The following STRA8 variants were observed in gnomAD, a reference collection of about 807,000 sequenced individuals.
STRA8 encodes the protein stimulated by retinoic acid gene 8 protein homolog.
Under a neutral mutation model 37.1 loss-of-function variants are expected in STRA8, and 18 were observed. The observed-to-expected ratio is 0.48, with a 90% confidence interval of 0.34 to 0.72. The LOEUF is 0.72. Among genes scored for constraint, STRA8 ranks in the 30% least tolerant of loss-of-function variants. The pLI is 0.01. For synonymous variants in STRA8, 168 were observed against 162.9 expected (o/e 1.03, Z -0.24); for missense variants, 357 against 410.4 (o/e 0.87, Z 1.13).
chr7:135,257,540 A>G (rs1239519168), intron 8 of STRA8, among the ~76,000 whole-genome samples: 1 of 151,880 alleles, frequency 6.6e-6, no homozygotes, highest in African/African-American at 2.4e-5. Context: ...TTCTCATGCC[A>G]TGGCCTCCCG....
At chr7:135,251,397 T>C (rs1832631656) in intron 6 of STRA8, among the ~76,000 whole-genome samples, 2 of 152,162 alleles carry the variant, frequency 1.3e-5, no homozygotes, top group South Asian at 2.1e-4. Context: ...TGTCCTGGCA[T>C]GAGACAGCTA....
At chr7:135,253,662 G>A (rs543216466) in intron 7 of STRA8, among the ~76,000 whole-genome samples, 11 of 152,342 alleles carry the variant, frequency 7.2e-5, no homozygotes, top group South Asian at 2.1e-4. Flanking sequence ...AAGAAGCAGC[G>A]TGACTAACAA....
intron 8 of STRA8, among the ~76,000 whole-genome samples, chr7:135,257,548 C>T (rs1832718888): frequency 6.6e-6 from 1 of 152,086 alleles, no homozygotes; most frequent in Non-Finnish European, 1.5e-5. Context: ...CCATGGCCTC[C>T]CGAGTAGCTG....
At chr7:135,244,943 GT>G (rs943814021) in intron 4 of STRA8, among the ~76,000 whole-genome samples, 3 of 152,166 alleles carry the variant, frequency 2.0e-5, no homozygotes, top group Non-Finnish European at 4.4e-5. Context: ...TTAGCGGTAG[GT>G]TTTTTGGAGA....
At chr7:135,238,986 G>C (rs1832420068) in intron 1 of STRA8, among the ~76,000 whole-genome samples, 1 of 152,194 alleles carries the variant, frequency 6.6e-6, no homozygotes, top group Non-Finnish European at 1.5e-5. Context: ...CAGCATCACT[G>C]TTCCCATCTT....
At position 135,251,800 on chromosome 7, in the gene STRA8, T is replaced by A; in HGVS notation, c.884T>A (p.Leu295His). ...AAGTGTTGTGCTTTCTTTCAGATCCTTTTTGAGGATGCCTTTGATGTGGCA... is the reference window on the plus strand; with the variant it reads ...AAGTGTTGTGCTTTCTTTCAGATCCATTTTGAGGATGCCTTTGATGTGGCA... ...CSLVSTPEEI[L>H]FEDAFDVASF... Residue 295 changes from leucine (L) to histidine (H), a missense_variant, in exon 7 of 9, where the codon CTT becomes CAT. Transcript: ENST00000662584. The A allele has an allele frequency of 2.5e-6, 4 of 1,614,080 alleles. No homozygotes were observed. The highest frequency in any genetic ancestry group is 3.4e-6 in the Non-Finnish European group (4 of 1,179,934).
chr7:135,239,539 G>A (rs976614743), intron 1 of STRA8, among the ~76,000 whole-genome samples: 8 of 152,188 alleles, frequency 5.3e-5, no homozygotes, highest in South Asian at 2.1e-4. Flanking sequence ...TCTGTGTTAC[G>A]CACTGAGGGT....
chr7:135,232,062 TC>T (rs755983104), upstream of STRA8: 4 of 1,504,168 alleles, frequency 2.7e-6, no homozygotes, highest in East Asian at 1.1e-4. Flanking sequence ...TTAGTAACTT[TC>T]CCCCCAGGAC....
At chr7:135,252,953 A>G (rs1562973745) in intron 7 of STRA8, among the ~76,000 whole-genome samples, 1 of 151,502 alleles carries the variant, frequency 6.6e-6, no homozygotes, top group African/African-American at 2.4e-5. Flanking sequence ...TTTTTTTTCT[A>G]AGACAGAGTC....
Position 135,240,765 on chromosome 7 carries a change from C to T in STRA8, c.192+49C>T, listed in dbSNP as rs200438136. ...GGGGACATCTCCACGGGGAAGGAGA[C>T]GTTTTCACAGGTGGAGGGACTGTGT... On this transcript the variant is annotated intron_variant, in intron 2 of 8. Coordinates refer to ENST00000662584, the MANE Select transcript of STRA8 (RefSeq NM_001394401.1). The T allele has an allele frequency of 2.8e-5, 45 of 1,598,040 alleles. 2 individuals carry two copies. The Middle Eastern group carries it at 5.0e-4, about 18-fold the overall frequency.
At chr7:135,250,492 G>A (rs969570030) in intron 6 of STRA8, among the ~76,000 whole-genome samples, 5 of 152,062 alleles carry the variant, frequency 3.3e-5, no homozygotes, top group Admixed American at 2.0e-4. Context: ...GAAAATGTCC[G>A]GAAAACTAAG....
chr7:135,233,382 A>C (rs1220298952), upstream of STRA8, among the ~76,000 whole-genome samples: 3 of 152,046 alleles, frequency 2.0e-5, no homozygotes, highest in South Asian at 2.1e-4. Flanking sequence ...CGCTTGAGGC[A>C]GCGAGCCTGG....
chr7:135,244,559 T>G (rs752141736), intron 4 of STRA8, among the ~76,000 whole-genome samples: 12 of 152,242 alleles, frequency 7.9e-5, no homozygotes, highest in Non-Finnish European at 1.6e-4. Flanking sequence ...TGTTTAAAAC[T>G]AAGTATGTCA....
In STRA8 at chr7:135,245,235, T is replaced by A. The variant is rs112385660; in HGVS notation, c.354-53T>A. 3,182 of 779,910 alleles carry A rather than the reference T, an allele frequency of 4.1e-3. 71 individuals are homozygous for A. In the African/African-American group the frequency reaches 0.049, roughly 12 times the overall value. 48.3% of individuals were successfully genotyped at this position (779,910 alleles called of 1,614,324 possible). On this transcript the variant is annotated intron_variant, in intron 4 of 8. Coordinates refer to ENST00000662584, the MANE Select transcript of STRA8 (RefSeq NM_001394401.1). ...AAAGTTGCTAAGAATTTCTTGTCCA[T>A]GTTCATGAGGGATATTAATCTATAG...
rs559062896 is a variant in STRA8 at position 135,245,304 on chromosome 7, T to C, written c.370T>C (p.Phe124Leu). The C allele has an allele frequency of 2.6e-6, 2 of 780,890 alleles. No individual in the cohort carries two copies. The highest frequency in any genetic ancestry group is 4.8e-6 in the Non-Finnish European group (2 of 418,120). The allele number at this position is 780,890 out of a possible 1,614,324, so 48.4% of individuals were successfully genotyped here. A position where few individuals can be genotyped will look rare whatever the true frequency, so the allele number is the denominator to read the frequency against. Residue 124 changes from phenylalanine (F) to leucine (L), a missense_variant, in exon 5 of 9, where the codon TTT becomes CTT. Physicochemically the swap from Phe to Leu is conservative, Grantham distance 22 (BLOSUM62 0). Transcript: ENST00000662584. ...SGNDSLLSNS[F>L]PQNGSSPWCP... ...CTTTCCCAGCCTGCTTTCAAACAGT[T>C]TTCCTCAGAATGGTTCCTCCCCTTG...
chr7:135,251,908 G>A (rs1242798267), intron 7 of STRA8, 39 bp downstream of exon 7: 1 of 1,595,438 alleles, frequency 6.3e-7, no homozygotes, highest in Non-Finnish European at 8.6e-7. Flanking sequence ...GCCCCTGTGT[G>A]GGTGGATGTG....
chr7:135,246,503 C>T lies in STRA8; in HGVS notation c.680C>T (p.Ser227Phe). The change falls in exon 6 of 9, where the codon TCC becomes TTC. Residue 227 changes from serine (S) to phenylalanine (F), a missense_variant. Ser to Phe is a radical substitution (Grantham distance 155). Coordinates refer to ENST00000662584, the MANE Select transcript of STRA8 (RefSeq NM_001394401.1). This position sits in a 1 kb window ranked among gnomAD's most constrained non-coding sequence, Gnocchi z 5.4. ...TPQEAALPIV[S>F]AAISHLWQNL... is the part of the protein sequence containing the mutation. ...CAGGAGGCGGCGCTGCCCATCGTCTCCGCGGCCATCTCCCACCTGTGGCAG... is the reference window on the plus strand; with the variant it reads ...CAGGAGGCGGCGCTGCCCATCGTCTTCGCGGCCATCTCCCACCTGTGGCAG... 1 of 1,576,824 alleles carries T rather than the reference C, an allele frequency of 6.3e-7. No individual in the cohort carries two copies. The highest frequency in any genetic ancestry group is 8.6e-7 in the Non-Finnish European group (1 of 1,160,940).
At chr7:135,245,103 T>G (rs1351366857) in intron 4 of STRA8, among the ~76,000 whole-genome samples, 185 bp from the exon 5 acceptor site, 1 of 152,190 alleles carries the variant, frequency 6.6e-6, no homozygotes, top group Non-Finnish European at 1.5e-5. Context: ...TTGCATTGAT[T>G]GATTTTCAAA....
intron 6 of STRA8, among the ~76,000 whole-genome samples, chr7:135,247,556 G>A (rs933902777): frequency 9.9e-5 from 15 of 152,224 alleles, no homozygotes; most frequent in Admixed American, 5.2e-4. Flanking sequence ...TTCCGGAACC[G>A]CTCCTCCCCT....
Sources: gnomAD v4.1 joint callset for allele counts (sites outside exome capture counted in the v4.1 genomes callset) on GRCh38, gnomAD v4.1.1 for gene constraint, Gnocchi (gnomAD v3.1) non-coding constraint, MANE v1.5 for transcripts, NCBI Gene and HGNC (gene_info 2026-07-23, HGNC 2026-07-21) for gene names.